DRC4: variants seen among roughly 807,000 people sequenced by gnomAD.
The protein encoded by DRC4 is GAS-11.
chr16:90,037,735 G>T, the DRC4 span: 1 of 1,600,568 alleles, frequency 6.2e-7, no homozygotes, highest in Non-Finnish European at 8.6e-7. Context: ...AATACTTTCT[G>T]TCCCCTACTC....
At chr16:90,037,507 G>A in the DRC4 span, 7 of 1,255,848 alleles carry the variant, frequency 5.6e-6, no homozygotes, top group South Asian at 3.0e-5. Flanking sequence ...GAAGGGAGAC[G>A]GGGAGGCCTG....
chr16:90,032,766 C>G, the DRC4 span: 1 of 1,613,940 alleles, frequency 6.2e-7, no homozygotes, highest in African/African-American at 1.3e-5. Flanking sequence ...CCAGAACAAC[C>G]TGACAGAGAT....
the DRC4 span, among the ~76,000 whole-genome samples, chr16:90,028,310 G>A: frequency 1.1e-4 from 16 of 147,664 alleles, no homozygotes; most frequent in African/African-American, 3.5e-4. Context: ...TCAGCCTCCC[G>A]AGTAGCTGGG....
chr16:90,029,762 A>C, the DRC4 span: 1 of 183,480 alleles, frequency 5.5e-6, no homozygotes, highest in African/African-American at 2.4e-5. Context: ...CTGTGCCCGA[A>C]AAGTAACTGA....
At chr16:90,031,924 TGAG>T in the DRC4 span, among the ~76,000 whole-genome samples, 28 of 151,028 alleles carry the variant, frequency 1.9e-4, no homozygotes, top group African/African-American at 9.7e-5. Flanking sequence ...CGTGGCCAGG[TGAG>T]GAGGTATGTG....
the DRC4 span, chr16:90,035,488 C>T: frequency 1.9e-6 from 2 of 1,039,100 alleles, no homozygotes; most frequent in South Asian, 2.8e-5. Context: ...CATGTTCTCT[C>T]TCAAGCTTAG....
the DRC4 span, chr16:90,043,342 G>A: frequency 1.7e-5 from 27 of 1,584,180 alleles, no homozygotes; most frequent in African/African-American, 4.9e-5. Flanking sequence ...GCACCCCGAC[G>A]TAGCTGCCCC....
chr16:90,044,875 C>T, the DRC4 span: 7 of 229,488 alleles, frequency 3.1e-5, no homozygotes, highest in Admixed American at 3.7e-4. Flanking sequence ...GAGCAAGAAC[C>T]ACTTTATAGC....
chr16:90,021,847 C>T, the DRC4 span, among the ~76,000 whole-genome samples: 1 of 130,458 alleles, frequency 7.7e-6, no homozygotes, highest in African/African-American at 3.0e-5. Context: ...CAGAAGGAGA[C>T]CCTGTCTCCA....
the DRC4 span, chr16:90,037,489 T>C: frequency 7.0e-7 from 1 of 1,427,656 alleles, no homozygotes. Context: ...GCTTGGCCCT[T>C]AGGGCAGGAA....
the DRC4 span, among the ~76,000 whole-genome samples, chr16:90,038,788 C>T: frequency 6.6e-6 from 1 of 152,166 alleles, no homozygotes; most frequent in Non-Finnish European, 1.5e-5. Context: ...TAGGGGTGCT[C>T]GGTCCTGTCT....
At chr16:90,037,538 C>A in the DRC4 span, 1 of 1,102,484 alleles carries the variant, frequency 9.1e-7, no homozygotes, top group Non-Finnish European at 1.3e-6. Context: ...TTCTCTGCCT[C>A]GTGTTCTCCT....
the DRC4 span, chr16:90,031,237 C>A: frequency 1.4e-5 from 23 of 1,603,418 alleles, no homozygotes; most frequent in Non-Finnish European, 1.9e-5. Context: ...GCCGGCCACA[C>A]GCCCCGTTGC....
At chr16:90,020,634 G>A in the DRC4 span, among the ~76,000 whole-genome samples, 26 of 152,204 alleles carry the variant, frequency 1.7e-4, no homozygotes, top group African/African-American at 6.3e-4. Flanking sequence ...AATATGAAAA[G>A]AACAGGTCGC....
chr16:90,022,591 C>G, the DRC4 span: 1 of 1,086,116 alleles, frequency 9.2e-7, no homozygotes, highest in East Asian at 3.2e-5. Flanking sequence ...GGCAGGGCCG[C>G]TGCCCGGCGG....
At chr16:90,031,884 C>T in the DRC4 span, among the ~76,000 whole-genome samples, 2 of 152,096 alleles carry the variant, frequency 1.3e-5, no homozygotes, top group African/African-American at 4.8e-5. Flanking sequence ...CAGGTGGATG[C>T]AAGTGAGCAT....
chr16:90,035,820 A>G, the DRC4 span: 2 of 1,583,164 alleles, frequency 1.3e-6, no homozygotes, highest in Non-Finnish European at 1.7e-6. Flanking sequence ...CAAGAGAAAG[A>G]ACATGGAAGT....
the DRC4 span, chr16:90,035,708 T>C: frequency 1.2e-6 from 2 of 1,614,066 alleles, no homozygotes; most frequent in African/African-American, 2.7e-5. Flanking sequence ...CGTGTGCTCA[T>C]TGTGTAGGTG....
the DRC4 span, chr16:90,029,077 G>A: frequency 6.8e-5 from 85 of 1,241,090 alleles, no homozygotes; most frequent in South Asian, 7.3e-4. Flanking sequence ...GCTGCTGCCC[G>A]TCTCCCTGTC....
Sources: gnomAD v4.1 joint callset for allele counts (sites outside exome capture counted in the v4.1 genomes callset) on GRCh38, gnomAD v4.1.1 for gene constraint, MANE v1.5 for transcripts, NCBI Gene and HGNC (gene_info 2026-07-23, HGNC 2026-07-21) for gene names.